Variants in CSNK2A2IP observed in about 807,000 individuals in gnomAD.
CSNK2A2IP encodes the protein casein kinase II subunit alpha'-interacting protein.
chr3:88,350,457 T>G, the CSNK2A2IP span, among the ~76,000 whole-genome samples: 3 of 152,046 alleles, frequency 2.0e-5, no homozygotes, highest in African/African-American at 7.2e-5. Context: ...GCTAGGACTG[T>G]GTTCTTGTTT....
the CSNK2A2IP span, among the ~76,000 whole-genome samples, chr3:88,366,594 A>T: frequency 6.6e-6 from 1 of 152,120 alleles, no homozygotes; most frequent in East Asian, 1.9e-4. Context: ...TACATATAGG[A>T]TAACTTTAAT....
the CSNK2A2IP span, among the ~76,000 whole-genome samples, chr3:88,430,324 C>A: frequency 6.6e-6 from 1 of 152,072 alleles, no homozygotes; most frequent in Non-Finnish European, 1.5e-5. Flanking sequence ...CAAATCTATA[C>A]ATACATATGT....
chr3:88,406,834 C>A, the CSNK2A2IP span, among the ~76,000 whole-genome samples: 1 of 152,062 alleles, frequency 6.6e-6, no homozygotes. Context: ...TTGCGGCAGA[C>A]CGATGTAGCC....
At chr3:88,447,443 A>G in the CSNK2A2IP span, among the ~76,000 whole-genome samples, 1 of 152,148 alleles carries the variant, frequency 6.6e-6, no homozygotes, top group Admixed American at 6.6e-5. Flanking sequence ...ATTTTTAAAA[A>G]TAATTCTAAC....
At chr3:88,379,259 G>T in the CSNK2A2IP span, among the ~76,000 whole-genome samples, 1 of 151,928 alleles carries the variant, frequency 6.6e-6, no homozygotes, top group African/African-American at 2.4e-5. Flanking sequence ...CTTTCTAATG[G>T]AACTGCCTGT....
chr3:88,445,951 TCTCTCTCTCC>T, the CSNK2A2IP span, among the ~76,000 whole-genome samples: 1 of 107,128 alleles, frequency 9.3e-6, no homozygotes, highest in Non-Finnish European at 2.5e-5. Context: ...TCTTTCTCTC[TCTCTCTCTCC>T]CTCCCTCCCT....
the CSNK2A2IP span, among the ~76,000 whole-genome samples, chr3:88,461,414 G>A: frequency 6.6e-6 from 1 of 151,982 alleles, no homozygotes; most frequent in Non-Finnish European, 1.5e-5. Flanking sequence ...TTAGCCGGGC[G>A]TGGTGGTGGG....
chr3:88,347,852 CAG>C, the CSNK2A2IP span, among the ~76,000 whole-genome samples: 1 of 151,880 alleles, frequency 6.6e-6, no homozygotes, highest in Admixed American at 6.6e-5. Flanking sequence ...AGTTGAAATA[CAG>C]AGTTTATTAG....
At chr3:88,446,480 T>C in the CSNK2A2IP span, among the ~76,000 whole-genome samples, 2 of 152,210 alleles carry the variant, frequency 1.3e-5, no homozygotes, top group South Asian at 4.1e-4. Flanking sequence ...AGAACATTCT[T>C]TGTTTCCAAC....
the CSNK2A2IP span, chr3:88,465,022 GTAC>G: frequency 5.6e-6 from 1 of 179,572 alleles, no homozygotes; most frequent in Non-Finnish European, 1.1e-5. Context: ...CTACAAGAAA[GTAC>G]TTAAGAAAAT....
chr3:88,373,554 T>G, the CSNK2A2IP span, among the ~76,000 whole-genome samples: 1 of 150,722 alleles, frequency 6.6e-6, no homozygotes, highest in Admixed American at 6.6e-5. Context: ...AGTCAAAGCT[T>G]CTGCTTTCAT....
the CSNK2A2IP span, among the ~76,000 whole-genome samples, chr3:88,401,096 TGA>T: frequency 2.0e-5 from 3 of 152,288 alleles, no homozygotes; most frequent in African/African-American, 7.2e-5. Context: ...CATATGTTAT[TGA>T]GCAGTATATA....
the CSNK2A2IP span, among the ~76,000 whole-genome samples, chr3:88,403,722 G>A: frequency 6.6e-6 from 1 of 152,108 alleles, no homozygotes; most frequent in African/African-American, 2.4e-5. Context: ...CTAGGTTAAG[G>A]AGCTCAGGCT....
the CSNK2A2IP span, among the ~76,000 whole-genome samples, chr3:88,415,507 T>A: frequency 6.6e-6 from 1 of 151,974 alleles, no homozygotes; most frequent in Non-Finnish European, 1.5e-5. Context: ...TTTTAATCTT[T>A]TGAAATTTCC....
chr3:88,463,596 A>C, the CSNK2A2IP span, among the ~76,000 whole-genome samples: 1 of 152,158 alleles, frequency 6.6e-6, no homozygotes, highest in Non-Finnish European at 1.5e-5. Context: ...TCAAAACCAC[A>C]ATGAGATACC....
At chr3:88,464,586 G>A in the CSNK2A2IP span, among the ~76,000 whole-genome samples, 1 of 152,084 alleles carries the variant, frequency 6.6e-6, no homozygotes, top group Admixed American at 6.6e-5. Flanking sequence ...TGCTGCAGTG[G>A]TGACAAATAA....
At chr3:88,379,680 G>A in the CSNK2A2IP span, among the ~76,000 whole-genome samples, 2 of 151,970 alleles carry the variant, frequency 1.3e-5, no homozygotes, top group African/African-American at 4.8e-5. Context: ...AGAAAACAGG[G>A]GAAAAGGTCA....
chr3:88,418,693 G>C, the CSNK2A2IP span, among the ~76,000 whole-genome samples: 1 of 151,938 alleles, frequency 6.6e-6, no homozygotes, highest in Admixed American at 6.6e-5. Flanking sequence ...ACATGTGCAG[G>C]TTTGTCATAT....
chr3:88,380,011 T>G, the CSNK2A2IP span, among the ~76,000 whole-genome samples: 1 of 152,142 alleles, frequency 6.6e-6, no homozygotes, highest in Non-Finnish European at 1.5e-5. Context: ...TCCATTTCAA[T>G]CTGTAAAACA....
Sources: gnomAD v4.1 joint callset for allele counts (sites outside exome capture counted in the v4.1 genomes callset) on GRCh38, gnomAD v4.1.1 for gene constraint, MANE v1.5 for transcripts, NCBI Gene and HGNC (gene_info 2026-07-23, HGNC 2026-07-21) for gene names.